Variants in DPYD observed in about 807,000 individuals in gnomAD.
The protein encoded by DPYD is dihydropyrimidine dehydrogenase [NADP(+)].
A neutral mutation model predicts 116.2 loss-of-function variants in DPYD; 109 were observed. That is an observed-to-expected ratio of 0.94 (90% CI 0.80 to 1.10). The LOEUF (loss-of-function observed/expected upper bound fraction) is 1.10, where lower values mean the gene tolerates loss of function less well. Among genes scored for constraint, DPYD ranks in the 50% least tolerant of loss-of-function variants. DPYD has a pLI of 0.00. For synonymous variants in DPYD, 440 were observed against 432.0 expected (o/e 1.02, Z -0.23); for missense variants, 1,302 against 1,254.5 (o/e 1.04, Z -0.57).
At chr1:97,462,276 G>A (rs1372057410) in intron 13 of DPYD, among the ~76,000 whole-genome samples, 1 of 152,184 alleles carries the variant, frequency 6.6e-6, no homozygotes, top group Non-Finnish European at 1.5e-5. Context: ...TTGTTAGTTA[G>A]TTCAAACCCA....
chr1:97,329,043 A>G (rs1668848332), intron 16 of DPYD, among the ~76,000 whole-genome samples: 1 of 152,196 alleles, frequency 6.6e-6, no homozygotes. Context: ...GTGAGAAACA[A>G]CTTCTGAATA....
chr1:97,794,530 T>C (rs1290132480), intron 3 of DPYD, among the ~76,000 whole-genome samples: 4 of 152,208 alleles, frequency 2.6e-5, no homozygotes, highest in African/African-American at 9.6e-5. Context: ...AGTTAACATA[T>C]ATTACTTCCG....
chr1:97,153,024 C>T (rs1405001347), intron 20 of DPYD, among the ~76,000 whole-genome samples: 1 of 151,944 alleles, frequency 6.6e-6, no homozygotes, highest in Non-Finnish European at 1.5e-5. Flanking sequence ...ATGGAGAAGC[C>T]TTCTAAAATG....
chr1:97,555,582 A>G (rs1444859833), intron 11 of DPYD, among the ~76,000 whole-genome samples: 2 of 152,068 alleles, frequency 1.3e-5, no homozygotes, highest in Non-Finnish European at 2.9e-5. Context: ...AAACTTCTAT[A>G]GACTTGACTC....
At chr1:97,574,577 G>A (rs1653136631) in intron 10 of DPYD, among the ~76,000 whole-genome samples, 2 of 152,048 alleles carry the variant, frequency 1.3e-5, no homozygotes, top group African/African-American at 2.4e-5. Context: ...CCTGATGAAT[G>A]CCCAGTTCTT....
intron 14 of DPYD, among the ~76,000 whole-genome samples, chr1:97,394,825 T>C (rs1672923226): frequency 1.3e-5 from 2 of 152,046 alleles, no homozygotes; most frequent in East Asian, 3.9e-4. Context: ...AAGCAAAGGA[T>C]GGTGTATTTA....
At chr1:97,658,818 T>C (rs1282433652) in intron 8 of DPYD, among the ~76,000 whole-genome samples, 29 of 152,208 alleles carry the variant, frequency 1.9e-4, no homozygotes, top group Non-Finnish European at 1.8e-4. Flanking sequence ...CTGTATGACT[T>C]GCTTCTTGCC....
chr1:97,814,918 A>AAAGAGG (rs3075433), intron 3 of DPYD, among the ~76,000 whole-genome samples: 4 of 85,600 alleles, frequency 4.7e-5, no homozygotes, highest in Non-Finnish European at 8.6e-5. Context: ...AAAAAAAAAA[A>AAAGAGG]AAAGAAAGAG....
intron 11 of DPYD, among the ~76,000 whole-genome samples, chr1:97,563,514 C>G (rs899768778): frequency 6.6e-6 from 1 of 152,172 alleles, no homozygotes; most frequent in African/African-American, 2.4e-5. Flanking sequence ...TGCCACTGCT[C>G]TACTTCTTGT....
At chr1:97,367,541 T>G (rs1671100397) in intron 16 of DPYD, among the ~76,000 whole-genome samples, 1 of 152,116 alleles carries the variant, frequency 6.6e-6, no homozygotes, top group Non-Finnish European at 1.5e-5. Flanking sequence ...ATTCTATGCA[T>G]AGAATTGAAC....
Position 97,450,064 on chromosome 1 carries a change from C to G in DPYD, c.1900G>C (p.Asp634His), listed in dbSNP as rs2101791859. ...AGATGTTAAATCACACTTACGTTGT[C>G]TGGAAAGTCAGCCTTTAGTTCAGTG... ...SVTELKADFP[D>H]NIVIASIMCS... Residue 634 changes from aspartate to histidine, a missense_variant, in exon 14 of 23, where the codon GAC becomes CAC. Asp to His is a moderately conservative substitution (Grantham distance 81). Coordinates refer to ENST00000370192, the MANE Select transcript of DPYD (RefSeq NM_000110.4). 1 of 1,613,824 alleles carries G rather than the reference C, an allele frequency of 6.2e-7. No individual in the cohort carries two copies. The highest frequency in any genetic ancestry group is 8.5e-7 in the Non-Finnish European group (1 of 1,179,818).
intron 10 of DPYD, among the ~76,000 whole-genome samples, chr1:97,589,366 C>T (rs749944057): frequency 6.6e-6 from 1 of 152,172 alleles, no homozygotes; most frequent in Non-Finnish European, 1.5e-5. Flanking sequence ...GGGGTGGTTC[C>T]CCCATGCTGT....
At chr1:97,411,108 A>T (rs1196806666) in intron 14 of DPYD, among the ~76,000 whole-genome samples, 1 of 152,146 alleles carries the variant, frequency 6.6e-6, no homozygotes, top group African/African-American at 2.4e-5. Context: ...ACGCAGCTGG[A>T]TGATTCTTTT....
chr1:97,541,989 A>G (rs1193060940), intron 12 of DPYD, among the ~76,000 whole-genome samples: 1 of 152,208 alleles, frequency 6.6e-6, no homozygotes, highest in Non-Finnish European at 1.5e-5. Flanking sequence ...TAAATTTAAT[A>G]TTATAACAGA....
In DPYD at chr1:97,647,352, C is replaced by T. The variant is rs184203542; in HGVS notation, c.850+31743G>A. Among the ~76,000 whole-genome samples, 218 of 151,884 alleles carry T rather than the reference C, an allele frequency of 1.4e-3. 2 individuals carry two copies. The highest frequency in any genetic ancestry group is 0.014 in the Admixed American group (215 of 15,232). On this transcript the variant is annotated intron_variant, in intron 8 of 22. Transcript: ENST00000370192. The stretch of plus-strand genomic sequence containing the variant: ...AAGTGATGGGGAGATGAGTACAGAG[C>T]CAAATGTCTATCTGATTAGAAATGA...
chr1:97,481,988 T>TC (rs1471292849), intron 13 of DPYD, among the ~76,000 whole-genome samples: 1 of 152,220 alleles, frequency 6.6e-6, no homozygotes, highest in Non-Finnish European at 1.5e-5. Flanking sequence ...ATTGAAAGTA[T>TC]CTTTTTTTAG....
intron 16 of DPYD, among the ~76,000 whole-genome samples, chr1:97,366,076 T>A (rs1261071035): frequency 6.6e-6 from 1 of 152,122 alleles, no homozygotes; most frequent in Non-Finnish European, 1.5e-5. Context: ...GCAGCAAAAA[T>A]TTTTACATCA....
intron 8 of DPYD, among the ~76,000 whole-genome samples, chr1:97,628,319 A>G (rs898639287): frequency 5.9e-5 from 9 of 151,990 alleles, no homozygotes; most frequent in Admixed American, 5.3e-4. Flanking sequence ...TTTCAAGGCA[A>G]CTCAAACTTT....
chr1:97,378,583 G>A (rs149888704), intron 15 of DPYD, among the ~76,000 whole-genome samples: 77 of 152,210 alleles, frequency 5.1e-4, no homozygotes, highest in Non-Finnish European at 8.7e-4. Context: ...ATCATCACTG[G>A]ATTTTAAACA....
Sources: allele counts gnomAD v4.1 joint callset (sites outside exome capture counted in the v4.1 genomes callset), GRCh38; gene constraint gnomAD v4.1.1; transcripts MANE v1.5; gene names NCBI Gene and HGNC (gene_info 2026-07-23, HGNC 2026-07-21).